ABRACL: variants seen among roughly 807,000 people sequenced by gnomAD.
The protein encoded by ABRACL is ABRA C-terminal like, also known as costars family protein ABRACL.
Under a neutral mutation model 7.0 loss-of-function variants are expected in ABRACL, and 4 were observed. That is an observed-to-expected ratio of 0.57 (90% confidence interval 0.28 to 1.30). ABRACL has a LOEUF of 1.30. Ranked by LOEUF, ABRACL falls within the 50% of genes most tolerant of loss-of-function variation. The pLI, the probability that ABRACL is intolerant of heterozygous loss-of-function variation, is 0.10. For missense variants in ABRACL, 104 were observed against 97.3 expected, an observed-to-expected ratio of 1.07 and a Z score of -0.29; for synonymous variants, 30 against 36.0, an observed-to-expected ratio of 0.83 and a Z score of 0.60.
intron 2 of ABRACL, among the ~76,000 whole-genome samples, 159 bp from the exon 3 acceptor site, chr6:139,042,560 A>C (rs1330401579): frequency 1.3e-5 from 2 of 152,200 alleles, no homozygotes; most frequent in African/African-American, 4.8e-5. Flanking sequence ...TACTTTTTGG[A>C]TCAGGGAAGA....
chr6:139,040,236 A>G (rs977565656), intron 2 of ABRACL, among the ~76,000 whole-genome samples: 4 of 152,216 alleles, frequency 2.6e-5, no homozygotes, highest in Admixed American at 6.5e-5. Context: ...GGAGGCTGGT[A>G]CAGAGTTCTC....
chr6:139,029,391 AG>A (rs1468341158), intron 1 of ABRACL, among the ~76,000 whole-genome samples: 1 of 151,962 alleles, frequency 6.6e-6, no homozygotes, highest in African/African-American at 2.4e-5. Flanking sequence ...AGCCCGGGGC[AG>A]GGTCCGTTTT....
chr6:139,029,526 G>A (rs1220785923), intron 1 of ABRACL, among the ~76,000 whole-genome samples: 1 of 152,194 alleles, frequency 6.6e-6, no homozygotes, highest in Non-Finnish European at 1.5e-5. Flanking sequence ...GGCCCTTCCC[G>A]GGCGCCAGCG....
rs1216295604 is a variant in ABRACL, at chr6:139,034,146, C to G, written c.-6-9C>G. 6.2e-7 allele frequency: 1 copy of G among 1,610,882 alleles called. No homozygotes were observed. The highest frequency in any genetic ancestry group is 1.3e-5 in the African/African-American group (1 of 74,558). On this transcript the variant is annotated splice_polypyrimidine_tract_variant and intron_variant, in intron 1 of 2. Transcript: ENST00000367660. ...GTGATAATTTAGACTTCCTTTTTTT[C>G]TCTCCCAGGCAGCAATGAATGTGGA...
chr6:139,042,650 G>GT (rs1437887996), intron 2 of ABRACL, 69 bp from the exon 3 acceptor site: 1 of 1,416,800 alleles, frequency 7.1e-7, no homozygotes, highest in African/African-American at 1.4e-5. Flanking sequence ...TAAAGATTTT[G>GT]TAAGTCTTCC....
intron 2 of ABRACL, 47 bp from the exon 3 acceptor site, chr6:139,042,672 T>C: frequency 6.5e-7 from 1 of 1,545,682 alleles, no homozygotes; most frequent in Non-Finnish European, 8.8e-7. Flanking sequence ...TACTTGAGGG[T>C]ATGAAACAGA....
At chr6:139,034,324 G>A in intron 2 of ABRACL, 103 bp downstream of exon 2, 1 of 1,603,736 alleles carries the variant, frequency 6.2e-7, no homozygotes, top group Admixed American at 1.7e-5. Context: ...AGGGCTTCAG[G>A]ACACAGGTCT....
At chr6:139,041,469 ATTTC>A (rs1380563792) in intron 2 of ABRACL, among the ~76,000 whole-genome samples, 9 of 108,894 alleles carry the variant, frequency 8.3e-5, no homozygotes, top group Admixed American at 2.2e-4. Flanking sequence ...ATATATATAT[ATTTC>A]TATATTTCTA....
At chr6:139,042,678 A>G in intron 2 of ABRACL, 41 bp from the exon 3 acceptor site, 1 of 1,574,122 alleles carries the variant, frequency 6.4e-7, no homozygotes, top group Non-Finnish European at 8.7e-7. Context: ...AGGGTATGAA[A>G]CAGACTTTGC....
At chr6:139,041,793 T>A (rs1030327305) in intron 2 of ABRACL, among the ~76,000 whole-genome samples, 4 of 152,182 alleles carry the variant, frequency 2.6e-5, no homozygotes, top group African/African-American at 9.7e-5. Flanking sequence ...TAGAAAGTTA[T>A]TCTCTCTAGA....
At chr6:139,042,693 G>A in intron 2 of ABRACL, 26 bp from the exon 3 acceptor site, 1 of 1,593,008 alleles carries the variant, frequency 6.3e-7, no homozygotes, top group Non-Finnish European at 8.6e-7. Context: ...CTTTGCATTT[G>A]CTAACAATGT....
intron 1 of ABRACL, among the ~76,000 whole-genome samples, chr6:139,030,845 A>G (rs1258506210): frequency 6.6e-6 from 1 of 152,218 alleles, no homozygotes; most frequent in African/African-American, 2.4e-5. Flanking sequence ...AGAGGTAAAT[A>G]AATGCCTTGC....
intron 2 of ABRACL, chr6:139,034,628 T>C: frequency 2.4e-6 from 1 of 415,808 alleles, no homozygotes; most frequent in Non-Finnish European, 4.2e-6. Flanking sequence ...TAAAATATCA[T>C]CATTTTACAA....
intron 2 of ABRACL, among the ~76,000 whole-genome samples, chr6:139,042,493 C>CA (rs1786267463): frequency 6.6e-6 from 1 of 152,198 alleles, no homozygotes; most frequent in African/African-American, 2.4e-5. Flanking sequence ...TGTTGGTTCT[C>CA]AGTCTTTGTC....
intron 1 of ABRACL, among the ~76,000 whole-genome samples, chr6:139,033,296 TTTG>T (rs1786108194): frequency 6.6e-6 from 1 of 152,196 alleles, no homozygotes; most frequent in African/African-American, 2.4e-5. Context: ...AGGCTCAGCT[TTTG>T]TTTTATTCTG....
At chr6:139,033,533 C>T (rs1168077486) in intron 1 of ABRACL, among the ~76,000 whole-genome samples, 1 of 152,202 alleles carries the variant, frequency 6.6e-6, no homozygotes, top group African/African-American at 2.4e-5. Context: ...CAGCCCCCAG[C>T]TTAGGCCTGC....
At chr6:139,031,926 A>G (rs1182050552) in intron 1 of ABRACL, among the ~76,000 whole-genome samples, 1 of 151,538 alleles carries the variant, frequency 6.6e-6, no homozygotes, top group African/African-American at 2.4e-5. Flanking sequence ...ACAAAACAAC[A>G]GTTGCCCACC....
At chr6:139,037,919 G>C (rs1279794478) in intron 2 of ABRACL, among the ~76,000 whole-genome samples, 1 of 151,728 alleles carries the variant, frequency 6.6e-6, no homozygotes, top group Admixed American at 6.6e-5. Flanking sequence ...TGGGATTACA[G>C]GCATCTGCCA....
At chr6:139,038,051 G>A (rs1786191367) in intron 2 of ABRACL, among the ~76,000 whole-genome samples, 1 of 152,098 alleles carries the variant, frequency 6.6e-6, no homozygotes, top group African/African-American at 2.4e-5. Context: ...TGCTGGGATT[G>A]TAGACATGAG....
Sources: allele counts gnomAD v4.1 joint callset (sites outside exome capture counted in the v4.1 genomes callset), GRCh38; gene constraint gnomAD v4.1.1; transcripts MANE v1.5; gene names NCBI Gene and HGNC (gene_info 2026-07-23, HGNC 2026-07-21).